Variants in LRMDA observed in about 807,000 individuals in gnomAD.
The protein encoded by LRMDA is leucine rich melanocyte differentiation associated, also known as leucine-rich melanocyte differentiation-associated protein.
Under a neutral mutation model 29.8 loss-of-function variants are expected in LRMDA, and 18 were observed. The observed-to-expected ratio is 0.60, with a 90% CI of 0.42 to 0.90. The LOEUF (loss-of-function observed/expected upper bound fraction) is 0.90. Ranked by LOEUF, LRMDA falls within the 40% of genes least tolerant of loss-of-function variation. The pLI, the probability that LRMDA is intolerant of heterozygous loss-of-function variation, is 0.00. For synonymous variants in LRMDA, 125 were observed against 109.4 expected (o/e 1.14, Z -0.89); for missense variants, 273 against 273.9 (o/e 1.00, Z 0.02).
chr10:76,102,363 A>AT (rs1356461464), intron 5 of LRMDA, among the ~76,000 whole-genome samples: 1 of 152,050 alleles, frequency 6.6e-6, no homozygotes, highest in Admixed American at 6.5e-5. Context: ...CCCTATGGGT[A>AT]TTTTTTCTGA....
At chr10:76,126,203 T>C (rs1412187351) in intron 5 of LRMDA, among the ~76,000 whole-genome samples, 1 of 152,194 alleles carries the variant, frequency 6.6e-6, no homozygotes, top group African/African-American at 2.4e-5. Context: ...TTGAGGTTGT[T>C]CATGATGGAG....
intron 2 of LRMDA, among the ~76,000 whole-genome samples, chr10:75,899,055 G>T (rs185088245): frequency 1.3e-5 from 2 of 152,286 alleles, no homozygotes; most frequent in East Asian, 3.9e-4. Context: ...ACAAAATGTT[G>T]TGCCCTTCTG....
At chr10:75,497,862 G>T (rs1157419594) in intron 2 of LRMDA, among the ~76,000 whole-genome samples, 1 of 152,134 alleles carries the variant, frequency 6.6e-6, no homozygotes, top group Non-Finnish European at 1.5e-5. Context: ...TTAAGCTGCT[G>T]TGAACACATA....
chr10:75,873,785 G>A (rs1845151514), intron 2 of LRMDA, among the ~76,000 whole-genome samples: 1 of 152,138 alleles, frequency 6.6e-6, no homozygotes, highest in African/African-American at 2.4e-5. Flanking sequence ...AGCTCTGGCA[G>A]TCTTCCAGCT....
At chr10:76,339,008 C>G (rs935747078) in intron 6 of LRMDA, among the ~76,000 whole-genome samples, 1 of 152,088 alleles carries the variant, frequency 6.6e-6, no homozygotes, top group Non-Finnish European at 1.5e-5. Flanking sequence ...AAAAAACTAA[C>G]AAAGTCACCA....
intron 6 of LRMDA, among the ~76,000 whole-genome samples, chr10:76,502,942 G>A (rs1417098393): frequency 6.6e-6 from 1 of 151,830 alleles, no homozygotes; most frequent in African/African-American, 2.4e-5. Flanking sequence ...AATAGGAGTG[G>A]GGAGAGTGGA....
intron 2 of LRMDA, among the ~76,000 whole-genome samples, chr10:75,914,949 T>C (rs1472800496): frequency 2.0e-5 from 3 of 152,084 alleles, no homozygotes; most frequent in Non-Finnish European, 2.9e-5. Context: ...AAAATACACC[T>C]CCTTCCCCTC....
chr10:76,174,764 T>C (rs574655584), intron 5 of LRMDA, among the ~76,000 whole-genome samples: 1 of 152,338 alleles, frequency 6.6e-6, no homozygotes, highest in African/African-American at 2.4e-5. Context: ...AGACCTTGGT[T>C]CAAATACAAG....
At chr10:76,010,990 A>C (rs368600595) in intron 2 of LRMDA, among the ~76,000 whole-genome samples, 2 of 152,370 alleles carry the variant, frequency 1.3e-5, no homozygotes, top group African/African-American at 4.8e-5. Context: ...TAGTAGATAA[A>C]ATCTGTAACC....
chr10:75,500,657 A>G (rs1221051522), intron 2 of LRMDA, among the ~76,000 whole-genome samples: 1 of 152,204 alleles, frequency 6.6e-6, no homozygotes, highest in Non-Finnish European at 1.5e-5. Context: ...ATGGCTAGGG[A>G]GGCCTCAGGA....
At chr10:76,471,547 T>A (rs1842617721) in intron 6 of LRMDA, among the ~76,000 whole-genome samples, 1 of 151,450 alleles carries the variant, frequency 6.6e-6, no homozygotes, top group Non-Finnish European at 1.5e-5. Flanking sequence ...AGGAAACAAC[T>A]GAAATGGAAT....
intron 6 of LRMDA, among the ~76,000 whole-genome samples, chr10:76,553,303 C>T (rs900906109): frequency 1.3e-5 from 2 of 152,248 alleles, no homozygotes; most frequent in Non-Finnish European, 2.9e-5. Flanking sequence ...TGTTGTTCCC[C>T]CTCCAGTCCC....
chr10:75,444,835 A>G (rs189307088), intron 2 of LRMDA, among the ~76,000 whole-genome samples: 1 of 152,264 alleles, frequency 6.6e-6, no homozygotes, highest in Non-Finnish European at 1.5e-5. Context: ...TTGTCTTCCT[A>G]GTCTTTTACA....
intron 5 of LRMDA, among the ~76,000 whole-genome samples, chr10:76,285,352 G>A (rs1840258792): frequency 6.6e-6 from 1 of 151,934 alleles, no homozygotes; most frequent in Non-Finnish European, 1.5e-5. Flanking sequence ...TGGAGGGAGG[G>A]GGCAGTAAGG....
chr10:75,665,654 T>C (rs1490917910), intron 2 of LRMDA, among the ~76,000 whole-genome samples: 1 of 152,238 alleles, frequency 6.6e-6, no homozygotes, highest in African/African-American at 2.4e-5. Context: ...TGTGAAATTA[T>C]AATCTTCATT....
At chr10:76,091,037 G>A (rs1849222608) in intron 5 of LRMDA, among the ~76,000 whole-genome samples, 1 of 152,182 alleles carries the variant, frequency 6.6e-6, no homozygotes, top group Non-Finnish European at 1.5e-5. Context: ...TGTAAGAGAA[G>A]GAGAAGGAAT....
chr10:75,795,394 A>AAACT (rs1196697464), intron 2 of LRMDA, among the ~76,000 whole-genome samples: 3 of 143,962 alleles, frequency 2.1e-5, no homozygotes, highest in African/African-American at 7.3e-5. Context: ...CTCTGTCTCA[A>AAACT]AAATAAATAA....
intron 2 of LRMDA, among the ~76,000 whole-genome samples, chr10:75,675,024 A>G (rs898256225): frequency 9.9e-5 from 15 of 152,198 alleles, no homozygotes; most frequent in Admixed American, 7.9e-4. Flanking sequence ...GAATAAATCA[A>G]TGTTGGTTGG....
chr10:75,941,041 G>C (rs961868008), intron 2 of LRMDA, among the ~76,000 whole-genome samples: 10 of 152,120 alleles, frequency 6.6e-5, no homozygotes, highest in Non-Finnish European at 4.4e-5. Flanking sequence ...GTCTGCTAAG[G>C]GGGAACAAAG....
Sources: gnomAD v4.1 joint callset for allele counts (sites outside exome capture counted in the v4.1 genomes callset) on GRCh38, gnomAD v4.1.1 for gene constraint, MANE v1.5 for transcripts, NCBI Gene and HGNC (gene_info 2026-07-23, HGNC 2026-07-21) for gene names.